CNTRL: variants seen among roughly 807,000 people sequenced by gnomAD.
The protein encoded by CNTRL is centriolin.
A neutral mutation model predicts 303.7 loss-of-function variants in CNTRL; 233 were observed. The ratio of observed to expected loss-of-function variants is 0.77; its 90% CI spans 0.69 to 0.86. The LOEUF is 0.86. Among genes scored for constraint, CNTRL ranks in the 40% least tolerant of loss-of-function variants. The pLI is 0.00. For synonymous variants in CNTRL, 900 were observed against 922.2 expected, an observed-to-expected ratio of 0.98 and a Z score of 0.44; for missense variants, 2,524 against 2,650.6, an observed-to-expected ratio of 0.95 and a Z score of 1.05.
intron 14 of CNTRL, among the ~76,000 whole-genome samples, chr9:121,133,357 C>A (rs1017963858): frequency 6.6e-6 from 1 of 152,254 alleles, no homozygotes; most frequent in Non-Finnish European, 1.5e-5. Flanking sequence ...ATGGTGAACG[C>A]CCCTCCCCCT....
chr9:121,109,676 A>C (rs550421005), intron 8 of CNTRL, among the ~76,000 whole-genome samples: 1 of 152,270 alleles, frequency 6.6e-6, no homozygotes, highest in East Asian at 1.9e-4. Flanking sequence ...TTTGCATTTA[A>C]AATTTTGATA....
At chr9:121,123,815 A>T in intron 12 of CNTRL, 116 bp from the exon 13 acceptor site, 1 of 758,852 alleles carries the variant, frequency 1.3e-6, no homozygotes, top group Non-Finnish European at 1.9e-6. Flanking sequence ...TGACACAAAT[A>T]GATGCAAATT....
At chr9:121,087,353 G>T (rs2048383596) in intron 2 of CNTRL, among the ~76,000 whole-genome samples, 1 of 152,076 alleles carries the variant, frequency 6.6e-6, no homozygotes, top group Non-Finnish European at 1.5e-5. Flanking sequence ...GTAGGCAATT[G>T]GAAATAGGAG....
Position 121,141,396 on chromosome 9 carries a change from A to C in CNTRL, c.2499A>C (p.Ser833=). ...TCCTTACTAGCATCCATAGTCCTTCAGATGTCTTAGGGAAAAGTCTTGCTG... is the reference window on the plus strand; with the variant it reads ...TCCTTACTAGCATCCATAGTCCTTCCGATGTCTTAGGGAAAAGTCTTGCTG... ...GTGEMNIHSP[S]DVLGKSLADL... Residue 833 remains serine (S), a synonymous_variant, in exon 18 of 44, where the codon TCA becomes TCC. Coordinates refer to ENST00000373855, the MANE Select transcript of CNTRL (RefSeq NM_007018.6). The C allele has an allele frequency of 6.2e-7, 1 of 1,613,270 alleles. No individual in the cohort carries two copies. The highest frequency in any genetic ancestry group is 1.1e-5 in the South Asian group (1 of 91,062).
At position 121,175,163 on chromosome 9, in the gene CNTRL, C is replaced by T. The variant is rs754929891; in HGVS notation, c.6893C>T (p.Ser2298Leu). The T allele has an allele frequency of 1.9e-6, 3 of 1,614,186 alleles. No homozygotes were observed. Among genetic ancestry groups the T allele is most frequent in the Admixed American group, 3.3e-5 (2 of 60,018 alleles). Reference sequence around the variant, plus strand: ...AGCACCTCTGCAGATTCAGCGTCATCACCCAGTCTGTCTCAGCTGGAGTCT... The same window carrying T: ...AGCACCTCTGCAGATTCAGCGTCATTACCCAGTCTGTCTCAGCTGGAGTCT... The part of the protein sequence containing the change: ...VTSTSADSAS[S>L]PSLSQLESSL... Residue 2298 changes from serine to leucine, a missense_variant, in exon 43 of 44, where the codon TCA becomes TTA. Transcript: ENST00000373855.
At chr9:121,101,000 AAGAG>A (rs36158280) in intron 7 of CNTRL, among the ~76,000 whole-genome samples, 18,141 of 152,172 alleles carry the variant, frequency 0.12, 1,248 homozygotes, top group East Asian at 0.18. Context: ...TTAGATCCAC[AAGAG>A]AGAAAGTTAA....
At chr9:121,132,706 A>T (rs2050937639) in intron 14 of CNTRL, among the ~76,000 whole-genome samples, 1 of 152,126 alleles carries the variant, frequency 6.6e-6, no homozygotes, top group Admixed American at 6.5e-5. Flanking sequence ...TTTGGAGGAG[A>T]AGAGGCGCTC....
At chr9:121,091,096 C>A (rs1221861008) in intron 4 of CNTRL, among the ~76,000 whole-genome samples, 1 of 152,188 alleles carries the variant, frequency 6.6e-6, no homozygotes. Flanking sequence ...CCCACTGGGT[C>A]CCTCCCACAA....
At chr9:121,082,609 T>A (rs571112960) in intron 2 of CNTRL, among the ~76,000 whole-genome samples, 2 of 152,332 alleles carry the variant, frequency 1.3e-5, no homozygotes, top group African/African-American at 4.8e-5. Flanking sequence ...ACTACAAACC[T>A]GTACAGCATG....
intron 39 of CNTRL, among the ~76,000 whole-genome samples, chr9:121,170,514 G>A (rs2053262000): frequency 6.6e-6 from 1 of 151,844 alleles, no homozygotes; most frequent in African/African-American, 2.4e-5. Context: ...GGAGTGCAGT[G>A]GCATGATCTC....
At chr9:121,107,616 A>C (rs762078555) in intron 7 of CNTRL, among the ~76,000 whole-genome samples, 186 bp from the exon 8 acceptor site, 1 of 152,208 alleles carries the variant, frequency 6.6e-6, no homozygotes, top group Non-Finnish European at 1.5e-5. Context: ...CATTGAAATG[A>C]TGCCTTCTTG....
At chr9:121,146,021 A>G in intron 22 of CNTRL, 87 bp from the exon 23 acceptor site, 1 of 1,229,910 alleles carries the variant, frequency 8.1e-7, no homozygotes, top group Non-Finnish European at 1.1e-6. Flanking sequence ...TGATAAAATT[A>G]ATTGGCTCTC....
intron 34 of CNTRL, 139 bp downstream of exon 34, chr9:121,162,410 C>A: frequency 5.8e-6 from 4 of 684,558 alleles, no homozygotes; most frequent in South Asian, 1.7e-5. Flanking sequence ...TTGCCAGTTG[C>A]ATTTTTTTGG....
chr9:121,135,104 A>G (rs964978860), intron 14 of CNTRL, among the ~76,000 whole-genome samples: 2 of 152,248 alleles, frequency 1.3e-5, no homozygotes, highest in Non-Finnish European at 2.9e-5. Context: ...TGAAAGAGAT[A>G]AGGTTTAATC....
intron 24 of CNTRL, among the ~76,000 whole-genome samples, 195 bp downstream of exon 24, chr9:121,149,056 A>G (rs1289261263): frequency 3.3e-5 from 5 of 152,132 alleles, no homozygotes; most frequent in South Asian, 2.1e-4. Flanking sequence ...TTCCCTTCCC[A>G]TGGTGATGCC....
intron 9 of CNTRL, among the ~76,000 whole-genome samples, chr9:121,113,061 A>G (rs981234863): frequency 3.3e-5 from 5 of 152,304 alleles, no homozygotes; most frequent in Non-Finnish European, 1.5e-5. Flanking sequence ...ATATCATATG[A>G]TATTTCATTT....
At position 121,169,663 on chromosome 9, in the gene CNTRL, G is replaced by T; in HGVS notation, c.6123G>T (p.Leu2041=). Reference sequence around the variant, plus strand: ...AATTGGTGGAGAAATCAGGTGAGCTGTTGGCCCTCCAGAAAGAGGCAGATT... The same window carrying T: ...AATTGGTGGAGAAATCAGGTGAGCTTTTGGCCCTCCAGAAAGAGGCAGATT... ...EQQLVEKSGE[L]LALQKEADSM... Residue 2041 remains leucine (L), a synonymous_variant, in exon 39 of 44, where the codon CTG becomes CTT. Transcript: ENST00000373855. 6.2e-7 allele frequency: 1 copy of T among 1,614,168 alleles called. No individual in the cohort carries two copies. Among genetic ancestry groups the T allele is most frequent in the Middle Eastern group, 1.6e-4 (1 of 6,062 alleles).
At chr9:121,106,898 A>G (rs1463519475) in intron 7 of CNTRL, among the ~76,000 whole-genome samples, 2 of 152,162 alleles carry the variant, frequency 1.3e-5, no homozygotes, top group African/African-American at 4.8e-5. Flanking sequence ...TGGTTAGACT[A>G]CTTATGGTTC....
chr9:121,167,415 A>G, intron 36 of CNTRL, 74 bp from the exon 37 acceptor site: 3 of 1,179,258 alleles, frequency 2.5e-6, no homozygotes, highest in Non-Finnish European at 3.6e-6. Flanking sequence ...GACTTAGTAG[A>G]TACTGGATTG....
Sources: gnomAD v4.1 joint callset for allele counts (sites outside exome capture counted in the v4.1 genomes callset) on GRCh38, gnomAD v4.1.1 for gene constraint, MANE v1.5 for transcripts, NCBI Gene and HGNC (gene_info 2026-07-23, HGNC 2026-07-21) for gene names.